Variants in ATP9B observed in about 807,000 individuals in gnomAD.
ATP9B encodes ATPase phospholipid transporting 9B.
A neutral mutation model predicts 146.1 loss-of-function variants in ATP9B; 110 were observed. That is an observed-to-expected ratio of 0.75 (90% CI 0.65 to 0.88). The LOEUF (loss-of-function observed/expected upper bound fraction) is 0.88. ATP9B is among the 40% of genes least tolerant of loss of function. The pLI is 0.00. For synonymous variants in ATP9B, 604 were observed against 569.7 expected, an observed-to-expected ratio of 1.06 and a Z score of -0.86; for missense variants, 1,499 against 1,496.4, an observed-to-expected ratio of 1.00 and a Z score of -0.03.
chr18:79,120,943 C>T (rs190367450), intron 4 of ATP9B, among the ~76,000 whole-genome samples: 59 of 152,248 alleles, frequency 3.9e-4, no homozygotes, highest in African/African-American at 1.1e-3. Context: ...AAAGGAAAAA[C>T]GAATGAAATT....
intron 11 of ATP9B, among the ~76,000 whole-genome samples, chr18:79,224,563 G>A (rs1031989679): frequency 1.3e-5 from 2 of 152,148 alleles, no homozygotes; most frequent in African/African-American, 2.4e-5. Context: ...TTCCCTTTGT[G>A]GCTACCATAC....
At chr18:79,198,907 T>C (rs914939567) in intron 9 of ATP9B, among the ~76,000 whole-genome samples, 1 of 152,176 alleles carries the variant, frequency 6.6e-6, no homozygotes, top group African/African-American at 2.4e-5. Flanking sequence ...ACTCAACCTA[T>C]TTAAAAATGT....
intron 15 of ATP9B, among the ~76,000 whole-genome samples, chr18:79,313,997 A>T (rs2096666211): frequency 6.6e-6 from 1 of 152,208 alleles, no homozygotes; most frequent in Non-Finnish European, 1.5e-5. Context: ...ACTTTGCTGC[A>T]GTTAGGTTGA....
intron 12 of ATP9B, among the ~76,000 whole-genome samples, chr18:79,266,718 T>A (rs1042874455): frequency 7.2e-5 from 11 of 152,128 alleles, no homozygotes; most frequent in African/African-American, 2.7e-4. Context: ...AAATTTTTCT[T>A]CTTTAATGTA....
At chr18:79,075,437 G>A (rs1184412452) in intron 1 of ATP9B, among the ~76,000 whole-genome samples, 1 of 152,170 alleles carries the variant, frequency 6.6e-6, no homozygotes, top group Non-Finnish European at 1.5e-5. Context: ...AGTGCACCCT[G>A]CCTCTTTTTA....
intron 15 of ATP9B, among the ~76,000 whole-genome samples, chr18:79,323,782 T>C (rs534885967): frequency 6.6e-6 from 1 of 152,330 alleles, no homozygotes; most frequent in East Asian, 1.9e-4. Context: ...TGCCGAGATC[T>C]CTTCAGTGTA....
intron 6 of ATP9B, among the ~76,000 whole-genome samples, chr18:79,148,121 A>G (rs1599906696): frequency 6.6e-6 from 1 of 152,338 alleles, no homozygotes; most frequent in East Asian, 1.9e-4. Context: ...TCAAAATGAA[A>G]TAGACAATAT....
rs776922199 is a variant in ATP9B, at chr18:79,069,428, G to A, written c.18G>A (p.Pro6=). The change falls in exon 1 of 30, where the codon CCG becomes CCA. Residue 6 remains proline, a synonymous_variant. Transcript: ENST00000426216. MADQI[P]LYPVRSAAAA... is the part of the protein sequence containing the mutation. ...GTCGGAACATGGCGGACCAGATCCCGCTTTACCCGGTGCGTAGCGCAGCGG... is the reference window on the plus strand; with the variant it reads ...GTCGGAACATGGCGGACCAGATCCCACTTTACCCGGTGCGTAGCGCAGCGG... 3.3e-6 allele frequency: 5 copies of A among 1,519,948 alleles called. No individual in the cohort carries two copies. Among genetic ancestry groups the A allele is most frequent in the Admixed American group, 2.2e-5 (1 of 46,420 alleles). 94.2% of individuals were successfully genotyped at this position (1,519,948 alleles called of 1,614,324 possible). A position where few individuals can be genotyped will look rare whatever the true frequency, so the allele number is the denominator to read the frequency against.
At chr18:79,307,715 A>G (rs753014862) in intron 15 of ATP9B, among the ~76,000 whole-genome samples, 18 of 152,238 alleles carry the variant, frequency 1.2e-4, no homozygotes, top group Non-Finnish European at 2.2e-4. Flanking sequence ...TCCAAAACCT[A>G]CAGAAATGGT....
intron 7 of ATP9B, among the ~76,000 whole-genome samples, chr18:79,171,375 A>G (rs561054174): frequency 6.6e-6 from 1 of 152,338 alleles, no homozygotes; most frequent in Admixed American, 6.5e-5. Context: ...TTATATAGAT[A>G]CATATTAATA....
At chr18:79,287,804 CTGGTA>C (rs1329623217) in intron 13 of ATP9B, among the ~76,000 whole-genome samples, 2 of 151,112 alleles carry the variant, frequency 1.3e-5, no homozygotes. Context: ...CCCAGAGATT[CTGGTA>C]TGTTGTGTCT....
chr18:79,184,379 A>T (rs146120752), intron 8 of ATP9B, among the ~76,000 whole-genome samples: 103 of 151,986 alleles, frequency 6.8e-4, no homozygotes, highest in African/African-American at 2.3e-3. Context: ...TGTTTTTTTA[A>T]TTTCATGTTA....
At chr18:79,237,665 C>T (rs2095854124) in intron 11 of ATP9B, among the ~76,000 whole-genome samples, 2 of 141,378 alleles carry the variant, frequency 1.4e-5, no homozygotes, top group Admixed American at 7.2e-5. Flanking sequence ...GGATTTATTT[C>T]TAAGTATTTG....
intron 11 of ATP9B, among the ~76,000 whole-genome samples, chr18:79,221,577 C>T (rs144574286): frequency 0.013 from 1,976 of 152,210 alleles, 27 homozygotes; most frequent in Non-Finnish European, 0.022. Context: ...AAAAATTAGC[C>T]GGGCGTGGTG....
chr18:79,134,075 A>G (rs992631826), intron 5 of ATP9B, among the ~76,000 whole-genome samples: 4 of 152,144 alleles, frequency 2.6e-5, no homozygotes, highest in Admixed American at 1.3e-4. Flanking sequence ...GTGACTCTCC[A>G]GCTCCCTGTG....
Position 79,347,811 on chromosome 18 carries a change from G to A in ATP9B, c.2724G>A (p.Thr908=), listed in dbSNP as rs371499320. ...QASLAADFSI[T]QFRHIGRLLM... is the part of the protein sequence containing the mutation. The stretch of plus-strand genomic sequence containing the variant: ...CGCTGGCGGCCGACTTCTCCATCAC[G>A]CAGTTCCGGCACATAGGCAGGCTGC... Residue 908 remains threonine (T), a synonymous_variant, in exon 24 of 30, where the codon ACG becomes ACA. Coordinates refer to ENST00000426216, the MANE Select transcript of ATP9B (RefSeq NM_198531.5). 29 of 1,608,512 alleles carry A rather than the reference G, an allele frequency of 1.8e-5. No homozygotes were observed. Among genetic ancestry groups the A allele is most frequent in the East Asian group, 4.5e-5 (2 of 44,562 alleles).
chr18:79,113,354 G>C lies in ATP9B; in HGVS notation c.558G>C (p.Leu186=). The C allele has an allele frequency of 6.8e-7, 1 of 1,478,294 alleles. No homozygotes were observed. Among genetic ancestry groups the C allele is most frequent in the Non-Finnish European group, 9.3e-7 (1 of 1,073,244 alleles). The allele number at this position is 1,478,294 out of a possible 1,614,324, so 91.6% of individuals were successfully genotyped here. A position where few individuals can be genotyped will look rare whatever the true frequency, so the allele number is the denominator to read the frequency against. ...ATCTCTACACCTACTGGGCTCCTCTGGTAAGAAAAGACTTTAAAAATTAAG... is the reference window on the plus strand; with the variant it reads ...ATCTCTACACCTACTGGGCTCCTCTCGTAAGAAAAGACTTTAAAAATTAAG... The part of the protein sequence containing the change: ...IGYLYTYWAP[L]GFVLAVTMTR... Residue 186 remains leucine, a splice_region_variant and synonymous_variant, in exon 4 of 30, where the codon CTG becomes CTC. Coordinates refer to ENST00000426216, the MANE Select transcript of ATP9B (RefSeq NM_198531.5).
At chr18:79,182,007 T>A (rs539046695) in intron 8 of ATP9B, among the ~76,000 whole-genome samples, 1 of 152,318 alleles carries the variant, frequency 6.6e-6, no homozygotes, top group Non-Finnish European at 1.5e-5. Context: ...ATGTCTGAGA[T>A]TTTCATTTCT....
Position 79,277,136 on chromosome 18 carries a change from C to T in ATP9B, c.1351C>T (p.Arg451Trp), listed in dbSNP as rs781738548. 33 of 1,614,070 alleles carry T rather than the reference C, an allele frequency of 2.0e-5. No individual in the cohort carries two copies. The highest frequency in any genetic ancestry group is 5.5e-5 in the South Asian group (5 of 91,078). Residue 451 changes from arginine (R) to tryptophan (W), a missense_variant, in exon 13 of 30, where the codon CGG (arginine) becomes TGG (tryptophan). Physicochemically the swap from Arg to Trp is moderately radical, Grantham distance 101 (BLOSUM62 -3). Transcript: ENST00000426216. ...KDENIPGTVVRTSTIPEELGR... is the reference protein window; with the variant it reads ...KDENIPGTVVWTSTIPEELGR... ...TGAGAACATCCCTGGCACGGTCGTT[C>T]GGACCAGCACTATCCCAGAGGAACT... is the stretch of plus-strand genomic sequence containing the variant.
Sources: allele counts gnomAD v4.1 joint callset (sites outside exome capture counted in the v4.1 genomes callset), GRCh38; gene constraint gnomAD v4.1.1; transcripts MANE v1.5; gene names NCBI Gene and HGNC (gene_info 2026-07-23, HGNC 2026-07-21).